Variants in PRCP observed in about 807,000 individuals in gnomAD.
The protein encoded by PRCP is lysosomal Pro-X carboxypeptidase.
In PRCP, 46 loss-of-function variants were observed where a neutral mutation model predicts 54.2. That is an observed-to-expected ratio of 0.85 (90% CI 0.67 to 1.09). The LOEUF (loss-of-function observed/expected upper bound fraction) is 1.09, where lower values mean the gene tolerates loss of function less well. PRCP is among the 50% of genes least tolerant of loss of function. PRCP has a pLI of 0.00. For synonymous variants in PRCP, 240 were observed against 212.2 expected, an observed-to-expected ratio of 1.13 and a Z score of -1.14; for missense variants, 613 against 596.8, an observed-to-expected ratio of 1.03 and a Z score of -0.28.
intron 1 of PRCP, among the ~76,000 whole-genome samples, chr11:82,872,738 G>C (rs1390232827): frequency 6.6e-6 from 1 of 152,192 alleles, no homozygotes; most frequent in Non-Finnish European, 1.5e-5. Context: ...GGAAGTGAGA[G>C]GATAAACTTC....
intron 8 of PRCP, chr11:82,825,511 T>C (rs897935264): frequency 2.0e-4 from 40 of 199,004 alleles, no homozygotes; most frequent in Admixed American, 1.4e-3. Context: ...GGCTCATGCC[T>C]GTAATCTTTG....
chr11:82,866,814 C>T lies in PRCP; in HGVS notation c.169-6697G>A, dbSNP rs1318637020. Among the ~76,000 whole-genome samples the T allele has an allele frequency of 7.9e-5, 12 of 151,928 alleles. No homozygotes were observed. In the East Asian group the frequency reaches 1.9e-3, roughly 24 times the overall value. ...TCGGCTCACTGCAACCTCCACCTCC[C>T]GAGTTCAAGCAATTCTCCTGCCTCA... On this transcript the variant is annotated intron_variant, in intron 1 of 8. Transcript: ENST00000313010.
At chr11:82,825,410 A>G (rs1333495642) in intron 8 of PRCP, 6 of 330,932 alleles carry the variant, frequency 1.8e-5, no homozygotes, top group African/African-American at 1.1e-4. Context: ...CTGAATTTCA[A>G]TCCTGATTTC....
intron 1 of PRCP, among the ~76,000 whole-genome samples, chr11:82,881,718 G>A (rs1204435608): frequency 6.6e-6 from 1 of 152,196 alleles, no homozygotes; most frequent in East Asian, 1.9e-4. Flanking sequence ...ATGTCTTGGT[G>A]ATTGACTGGA....
chr11:82,852,816 T>C (rs561280334), intron 3 of PRCP, among the ~76,000 whole-genome samples: 19 of 152,334 alleles, frequency 1.2e-4, no homozygotes, highest in African/African-American at 3.8e-4. Flanking sequence ...GTTATGCTCA[T>C]TATATTTTTT....
chr11:82,842,127 A>C (rs1305567388), intron 6 of PRCP, among the ~76,000 whole-genome samples: 1 of 152,168 alleles, frequency 6.6e-6, no homozygotes, highest in African/African-American at 2.4e-5. Context: ...AGTGAGTGTG[A>C]CTCACATGCT....
chr11:82,871,694 C>T lies in PRCP; in HGVS notation c.169-11577G>A, dbSNP rs137862947. Among the ~76,000 whole-genome samples, 490 of 152,310 alleles carry T rather than the reference C, an allele frequency of 3.2e-3. 4 individuals are homozygous for T. The highest frequency in any genetic ancestry group is 0.011 in the African/African-American group (466 of 41,562). ...CTCACAATCCAATCTTGCATACTAC[C>T]ACTCCTCCTGCAAAGAACTGTGATG... On this transcript the variant is annotated intron_variant, in intron 1 of 8. Coordinates refer to ENST00000313010, the MANE Select transcript of PRCP (RefSeq NM_005040.4).
intron 1 of PRCP, among the ~76,000 whole-genome samples, chr11:82,895,182 CA>C (rs1285087723): frequency 6.6e-6 from 1 of 152,168 alleles, no homozygotes; most frequent in African/African-American, 2.4e-5. Flanking sequence ...CTTTTTACAA[CA>C]AACTTATGGT....
Position 82,838,466 on chromosome 11 carries a change from C to G in PRCP, c.1195G>C (p.Gly399Arg). ...ELSDDCFQQW[G>R]VRPRPSWITT... Reference sequence around the variant, plus strand: ...ATCCAGGAGGGCCTTGGTCTCACACCCCACTGTTGAAAACAGTCATCAGAA... The same window carrying G: ...ATCCAGGAGGGCCTTGGTCTCACACGCCACTGTTGAAAACAGTCATCAGAA... Residue 399 changes from glycine to arginine, a missense_variant, in exon 8 of 9, where the codon GGT becomes CGT. Physicochemically the swap from Gly to Arg is moderately radical, Grantham distance 125 (BLOSUM62 -2). Coordinates refer to ENST00000313010, the MANE Select transcript of PRCP (RefSeq NM_005040.4). 6.2e-7 allele frequency: 1 copy of G among 1,614,004 alleles called. No homozygotes were observed. Among genetic ancestry groups the G allele is most frequent in the Non-Finnish European group, 8.5e-7 (1 of 1,179,906 alleles).
At position 82,838,254 on chromosome 11, in the gene PRCP, T is replaced by C. The variant is rs1475573633; in HGVS notation, c.1274+133A>G. On this transcript the variant is annotated intron_variant, in intron 8 of 8. Coordinates refer to ENST00000313010, the MANE Select transcript of PRCP (RefSeq NM_005040.4). Reference sequence around the variant, plus strand: ...TCTCAGCATCCTATCTTTCAAGGCATAGGAAAACATGACAGGTAGCACTGT... The same window carrying C: ...TCTCAGCATCCTATCTTTCAAGGCACAGGAAAACATGACAGGTAGCACTGT... 3 of 786,398 alleles carry C rather than the reference T, an allele frequency of 3.8e-6. No individual in the cohort carries two copies. The East Asian group carries it at 8.5e-5, about 22-fold the overall frequency. The allele number at this position is 786,398 out of a possible 1,614,324, so 48.7% of individuals were successfully genotyped here.
At chr11:82,878,928 A>G (rs4551795) in intron 1 of PRCP, among the ~76,000 whole-genome samples, 83,776 of 152,064 alleles carry the variant, frequency 0.55, 23,941 homozygotes, top group African/African-American at 0.71. Flanking sequence ...GCCTCCCTTT[A>G]TGGGTTACCC....
chr11:82,865,130 G>A (rs1363212063), intron 1 of PRCP, among the ~76,000 whole-genome samples: 1 of 152,184 alleles, frequency 6.6e-6, no homozygotes, highest in Non-Finnish European at 1.5e-5. Context: ...GATGCTCAGA[G>A]AGGTCAGAGA....
At chr11:82,868,106 G>T (rs534816915) in intron 1 of PRCP, among the ~76,000 whole-genome samples, 2 of 152,172 alleles carry the variant, frequency 1.3e-5, no homozygotes, top group African/African-American at 2.4e-5. Context: ...CCAGGATATT[G>T]GTTACCAGTG....
intron 1 of PRCP, among the ~76,000 whole-genome samples, chr11:82,876,389 C>G (rs537609589): frequency 1.1e-4 from 17 of 152,358 alleles, no homozygotes; most frequent in African/African-American, 4.1e-4. Flanking sequence ...TAACTTTATA[C>G]TGTGGTATTA....
At chr11:82,851,089 T>C (rs1449046375) in intron 3 of PRCP, among the ~76,000 whole-genome samples, 1 of 152,150 alleles carries the variant, frequency 6.6e-6, no homozygotes, top group Non-Finnish European at 1.5e-5. Context: ...AAAGGAAAAC[T>C]CATAATGTTA....
intron 1 of PRCP, among the ~76,000 whole-genome samples, chr11:82,876,779 T>C (rs1005238302): frequency 1.3e-5 from 2 of 152,194 alleles, no homozygotes; most frequent in Non-Finnish European, 2.9e-5. Context: ...CGGGTATGTC[T>C]TTGTCAGCTG....
chr11:82,878,337 T>C (rs959415658), intron 1 of PRCP, among the ~76,000 whole-genome samples: 3 of 152,164 alleles, frequency 2.0e-5, no homozygotes, highest in Middle Eastern at 6.8e-3. Context: ...GCATGATTGG[T>C]TTTGAAATGT....
At chr11:82,861,111 G>A (rs1394275301) in intron 1 of PRCP, among the ~76,000 whole-genome samples, 1 of 152,034 alleles carries the variant, frequency 6.6e-6, no homozygotes, top group Non-Finnish European at 1.5e-5. Context: ...GGAAAGAAAG[G>A]AAAAGGTTCA....
chr11:82,891,142 T>G (rs1330070661), intron 1 of PRCP, among the ~76,000 whole-genome samples: 1 of 152,172 alleles, frequency 6.6e-6, no homozygotes, highest in Non-Finnish European at 1.5e-5. Context: ...TCCCCAAACC[T>G]ACTCCTTCTG....
Sources: gnomAD v4.1 joint callset for allele counts (sites outside exome capture counted in the v4.1 genomes callset) on GRCh38, gnomAD v4.1.1 for gene constraint, MANE v1.5 for transcripts, NCBI Gene and HGNC (gene_info 2026-07-23, HGNC 2026-07-21) for gene names.